DNAAF19: variants seen among roughly 807,000 people sequenced by gnomAD.
DNAAF19 encodes coiled-coil domain containing 103.
chr17:44,904,411 C>A, the DNAAF19 span: 6 of 1,542,222 alleles, frequency 3.9e-6, no homozygotes, highest in Non-Finnish European at 5.3e-6. Context: ...GCCTCTGCTA[C>A]CTGCAGAGCC....
At chr17:44,903,343 G>A in the DNAAF19 span, 13 of 1,247,648 alleles carry the variant, frequency 1.0e-5, no homozygotes, top group Non-Finnish European at 1.3e-5. Flanking sequence ...GCCTGGGAAA[G>A]TCCCAAGCCA....
the DNAAF19 span, chr17:44,901,122 G>T: frequency 1.2e-6 from 2 of 1,608,798 alleles, no homozygotes; most frequent in Non-Finnish European, 1.7e-6. Context: ...ACAGAGGGTG[G>T]CTTCCTATGA....
the DNAAF19 span, among the ~76,000 whole-genome samples, chr17:44,902,002 C>T: frequency 6.6e-6 from 1 of 152,060 alleles, no homozygotes; most frequent in Non-Finnish European, 1.5e-5. Context: ...GAGAGAGAGA[C>T]CCCAACATTC....
At chr17:44,902,492 T>A in the DNAAF19 span, 3 of 1,614,216 alleles carry the variant, frequency 1.9e-6, no homozygotes, top group Non-Finnish European at 2.5e-6. Flanking sequence ...GGCTGCCTCT[T>A]CCAGACAGAT....
At chr17:44,900,389 T>C in the DNAAF19 span, among the ~76,000 whole-genome samples, 1 of 151,826 alleles carries the variant, frequency 6.6e-6, no homozygotes, top group African/African-American at 2.4e-5. Flanking sequence ...ATTGCCCAGG[T>C]ACCTAGGGAC....
the DNAAF19 span, chr17:44,903,888 T>C: frequency 3.9e-6 from 6 of 1,550,356 alleles, no homozygotes; most frequent in Non-Finnish European, 5.2e-6. Flanking sequence ...GCCTTTGAAA[T>C]TGTGGAGAAG....
chr17:44,903,354 T>A, the DNAAF19 span: 1 of 1,246,976 alleles, frequency 8.0e-7, no homozygotes, highest in African/African-American at 1.6e-5. Flanking sequence ...TCCCAAGCCA[T>A]CAGCTCAGGT....
the DNAAF19 span, chr17:44,903,875 C>T: frequency 1.9e-6 from 3 of 1,550,580 alleles, no homozygotes; most frequent in Non-Finnish European, 8.7e-7. Flanking sequence ...ATGGGGGCTC[C>T]AGGCCTTTGA....
chr17:44,904,394 C>A, the DNAAF19 span: 1 of 1,542,106 alleles, frequency 6.5e-7, no homozygotes, highest in Non-Finnish European at 8.8e-7. Flanking sequence ...GGAGCAGTGG[C>A]GCATCGGCCT....
At chr17:44,901,185 A>G in the DNAAF19 span, 1 of 1,588,730 alleles carries the variant, frequency 6.3e-7, no homozygotes, top group Non-Finnish European at 8.5e-7. Flanking sequence ...GTTATGGTGG[A>G]TTATAGTAGT....
At chr17:44,900,179 G>A in the DNAAF19 span, among the ~76,000 whole-genome samples, 1 of 151,980 alleles carries the variant, frequency 6.6e-6, no homozygotes, top group Non-Finnish European at 1.5e-5. Context: ...AGGCCGAGGC[G>A]CGCGGATTAC....
chr17:44,902,197 C>T, the DNAAF19 span: 3 of 845,102 alleles, frequency 3.5e-6, no homozygotes, highest in Admixed American at 6.1e-5. Flanking sequence ...TGTTTCATCC[C>T]CAGTTTCCTC....
chr17:44,900,012 T>G, the DNAAF19 span, among the ~76,000 whole-genome samples: 1 of 151,946 alleles, frequency 6.6e-6, no homozygotes, highest in Non-Finnish European at 1.5e-5. Context: ...TTCCTTGCGC[T>G]AGGGCTGTTG....
At chr17:44,901,438 C>T in the DNAAF19 span, 1 of 1,513,246 alleles carries the variant, frequency 6.6e-7, no homozygotes. Flanking sequence ...CAGGTTTATC[C>T]TATACCATGC....
chr17:44,903,787 C>A, the DNAAF19 span: 1 of 1,515,630 alleles, frequency 6.6e-7, no homozygotes, highest in Non-Finnish European at 8.8e-7. Context: ...GCCTTTAATG[C>A]CCTGGTTTTG....
the DNAAF19 span, chr17:44,904,448 G>T: frequency 1.3e-4 from 199 of 1,542,836 alleles, 1 homozygote; most frequent in East Asian, 4.9e-3. Flanking sequence ...CTACCTCAAG[G>T]CCGTGCCCGA....
chr17:44,901,765 C>G, the DNAAF19 span: 1 of 1,221,064 alleles, frequency 8.2e-7, no homozygotes, highest in Non-Finnish European at 1.1e-6. Context: ...CATACCTCTT[C>G]TTTATTTGTC....
the DNAAF19 span, chr17:44,903,869 G>A: frequency 2.6e-6 from 4 of 1,511,920 alleles, no homozygotes; most frequent in African/African-American, 2.9e-5. Flanking sequence ...GTGGGCATGG[G>A]GGCTCCAGGC....
At chr17:44,902,471 G>A in the DNAAF19 span, 1 of 1,614,246 alleles carries the variant, frequency 6.2e-7, no homozygotes, top group Non-Finnish European at 8.5e-7. Context: ...CAGCTTGGGG[G>A]TCCAAGGCTC....
Sources: gnomAD v4.1 joint callset for allele counts (sites outside exome capture counted in the v4.1 genomes callset) on GRCh38, gnomAD v4.1.1 for gene constraint, MANE v1.5 for transcripts, NCBI Gene and HGNC (gene_info 2026-07-23, HGNC 2026-07-21) for gene names.